Variants in CREM observed in about 807,000 individuals in gnomAD.
CREM encodes cAMP responsive element modulator.
CREM carries 13 observed loss-of-function variants against 37.3 expected under a neutral mutation model. The ratio of observed to expected loss-of-function variants is 0.35; its 90% confidence interval spans 0.23 to 0.55. CREM has a LOEUF of 0.55. Among genes scored for constraint, CREM ranks in the 20% least tolerant of loss-of-function variants. The pLI, the probability that CREM is intolerant of heterozygous loss-of-function variation, is 0.88. For missense variants in CREM, 296 were observed against 362.3 expected (o/e 0.82, Z 1.49); for synonymous variants, 124 against 120.2 (o/e 1.03, Z -0.21).
At chr10:35,186,090 A>G (rs2094544228) in intron 5 of CREM, among the ~76,000 whole-genome samples, 1 of 152,174 alleles carries the variant, frequency 6.6e-6, no homozygotes. Flanking sequence ...ATTTACATTG[A>G]TGTATAGATG....
intron 3 of CREM, among the ~76,000 whole-genome samples, chr10:35,163,482 G>A (rs2045914): frequency 2.0e-5 from 3 of 151,984 alleles, no homozygotes; most frequent in East Asian, 3.9e-4. Flanking sequence ...ACAGGAGTTC[G>A]AGACCAGCCT....
chr10:35,186,335 T>G (rs1049822792), intron 5 of CREM, among the ~76,000 whole-genome samples: 1 of 152,106 alleles, frequency 6.6e-6, no homozygotes, highest in African/African-American at 2.4e-5. Context: ...CTTTGGAAGC[T>G]TCAAGTCAAT....
intron 5 of CREM, among the ~76,000 whole-genome samples, chr10:35,182,344 G>A (rs192282254): frequency 1.3e-5 from 2 of 151,782 alleles, no homozygotes; most frequent in East Asian, 3.9e-4. Flanking sequence ...AGAATTTCTG[G>A]AGATTTTCCT....
rs751883864 is a variant in CREM at position 35,179,286 on chromosome 10, C to T, written c.409+10C>T. The T allele has an allele frequency of 5.0e-6, 8 of 1,613,148 alleles. No homozygotes were observed. Among genetic ancestry groups the T allele is most frequent in the Non-Finnish European group, 6.8e-6 (8 of 1,179,680 alleles). Reference sequence around the variant, plus strand: ...AGCACGGGGCAATACAGTATGTATGCTGCAATTCGATATGATACAGTGCTA... The same window carrying T: ...AGCACGGGGCAATACAGTATGTATGTTGCAATTCGATATGATACAGTGCTA... On this transcript the variant is annotated intron_variant, in intron 5 of 7. Transcript: ENST00000685392.
rs139368503 is a variant in CREM, at chr10:35,152,825, C to T, written c.168+4334C>T. ...TTAAAATAGTGACACTTACATCCTC[C>T]GGAAATAATATTGTTTTTAAATGGG... On this transcript the variant is annotated intron_variant, in intron 3 of 7. Coordinates refer to ENST00000685392, the MANE Select transcript of CREM (RefSeq NM_183011.2). Among the ~76,000 whole-genome samples the T allele has an allele frequency of 2.6e-3, 397 of 152,196 alleles. 13 individuals carry two copies. The highest frequency in any genetic ancestry group is 0.024 in the Admixed American group (360 of 15,284).
At chr10:35,194,097 C>CAAAAAAAAAAAAAAAAAAAAAAAAA (rs371978117) in intron 6 of CREM, among the ~76,000 whole-genome samples, 10 of 25,062 alleles carry the variant, frequency 4.0e-4, no homozygotes, top group Non-Finnish European at 4.0e-4. Context: ...GACTTCATCT[C>CAAAAAAAAAAAAAAAAAAAAAAAAA]AAAAAAAAAA....
chr10:35,140,511 A>G (rs552430171), intron 2 of CREM, among the ~76,000 whole-genome samples: 4 of 152,302 alleles, frequency 2.6e-5, no homozygotes, highest in South Asian at 2.1e-4. Flanking sequence ...ACAGTCTTCC[A>G]GGATAATTGA....
intron 5 of CREM, among the ~76,000 whole-genome samples, chr10:35,181,352 ATGC>A (rs2094343430): frequency 6.6e-6 from 1 of 152,224 alleles, no homozygotes; most frequent in Admixed American, 6.5e-5. Context: ...GGAAAAAGAC[ATGC>A]TACTATTGGC....
intron 3 of CREM, among the ~76,000 whole-genome samples, chr10:35,154,725 A>G (rs964234509): frequency 6.6e-6 from 1 of 152,208 alleles, no homozygotes; most frequent in African/African-American, 2.4e-5. Context: ...ATTTTTTTCA[A>G]TAAATGCTAA....
chr10:35,165,495 C>G (rs1319773253), intron 3 of CREM, among the ~76,000 whole-genome samples: 2 of 152,072 alleles, frequency 1.3e-5, no homozygotes, highest in African/African-American at 4.8e-5. Context: ...TTATGTAATT[C>G]TTCTTTCCTG....
chr10:35,133,117 ATTCTTT>A (rs2089752790), intron 1 of CREM, among the ~76,000 whole-genome samples: 1 of 151,690 alleles, frequency 6.6e-6, no homozygotes, highest in South Asian at 2.1e-4. Flanking sequence ...AGGTTTTCTT[ATTCTTT>A]TTCTTTTTTA....
chr10:35,170,373 T>C (rs1035834262), intron 3 of CREM, among the ~76,000 whole-genome samples: 1 of 152,218 alleles, frequency 6.6e-6, no homozygotes, highest in Non-Finnish European at 1.5e-5. Flanking sequence ...TTTTTTGTTC[T>C]GTCTCTGCCA....
intron 3 of CREM, among the ~76,000 whole-genome samples, chr10:35,174,588 A>C (rs1287416512): frequency 6.6e-6 from 1 of 152,200 alleles, no homozygotes; most frequent in African/African-American, 2.4e-5. Flanking sequence ...GTCACACACA[A>C]AGTCTTCCTT....
chr10:35,207,574 G>T (rs1253186002), intron 7 of CREM, among the ~76,000 whole-genome samples: 2 of 152,110 alleles, frequency 1.3e-5, no homozygotes, highest in African/African-American at 2.4e-5. Flanking sequence ...AAGAGATTGA[G>T]ACCATCCTGG....
rs768546724 is a variant in CREM at position 35,167,819 on chromosome 10, T to C, written c.169-11070T>C. The C allele has an allele frequency of 1.1e-5, 18 of 1,603,268 alleles. No individual in the cohort carries two copies. In the South Asian group the frequency reaches 1.9e-4, roughly 17 times the overall value. On this transcript the variant is annotated intron_variant, in intron 3 of 7. Transcript: ENST00000685392. Reference sequence around the variant, plus strand: ...GGAAGAAAAGGTAAATGATGTCTGCTATAAGTACCTTCACACTTTTAAAGC... The same window carrying C: ...GGAAGAAAAGGTAAATGATGTCTGCCATAAGTACCTTCACACTTTTAAAGC...
At chr10:35,208,845 G>A (rs1300776479) in intron 7 of CREM, among the ~76,000 whole-genome samples, 3 of 152,152 alleles carry the variant, frequency 2.0e-5, no homozygotes, top group South Asian at 4.1e-4. Flanking sequence ...GTTTATTTTC[G>A]CTTTCTAAAT....
intron 6 of CREM, among the ~76,000 whole-genome samples, chr10:35,197,708 C>T (rs1052886833): frequency 6.6e-6 from 1 of 152,152 alleles, no homozygotes; most frequent in Non-Finnish European, 1.5e-5. Flanking sequence ...CCGCCTGCCT[C>T]GGCGTCCCAA....
chr10:35,144,288 T>C (rs984787625), intron 2 of CREM, among the ~76,000 whole-genome samples: 6 of 152,200 alleles, frequency 3.9e-5, no homozygotes, highest in Non-Finnish European at 7.3e-5. Context: ...GACTGATGTT[T>C]AGCTTTGTGG....
intron 6 of CREM, among the ~76,000 whole-genome samples, chr10:35,199,887 C>CT (rs5784443): frequency 0.61 from 74,364 of 121,104 alleles, 23,362 homozygotes; most frequent in East Asian, 0.71. Flanking sequence ...GTTAAAATGG[C>CT]TTTTTTTTTT....
Sources: allele counts gnomAD v4.1 joint callset (sites outside exome capture counted in the v4.1 genomes callset), GRCh38; gene constraint gnomAD v4.1.1; transcripts MANE v1.5; gene names NCBI Gene and HGNC (gene_info 2026-07-23, HGNC 2026-07-21).